ANKRD16: variants seen among roughly 807,000 people sequenced by gnomAD.
ANKRD16 encodes the protein ankyrin repeat domain 16.
Under a neutral mutation model 37.9 loss-of-function variants are expected in ANKRD16, and 35 were observed. The ratio of observed to expected loss-of-function variants is 0.92; its 90% CI spans 0.71 to 1.23. The LOEUF (loss-of-function observed/expected upper bound fraction) is 1.23. ANKRD16 is among the 50% of genes most tolerant of loss of function. The pLI is 0.00. For synonymous variants in ANKRD16, 206 were observed against 197.2 expected (o/e 1.04, Z -0.37); for missense variants, 480 against 469.9 (o/e 1.02, Z -0.20).
chr10:5,872,374 G>A (rs548139490), intron 7 of ANKRD16, among the ~76,000 whole-genome samples: 235 of 152,064 alleles, frequency 1.5e-3, no homozygotes, highest in Non-Finnish European at 2.9e-3. Flanking sequence ...AGCTACTCAG[G>A]AGGCTGAGGT....
Position 5,872,696 on chromosome 10 carries a change from A to C in ANKRD16, c.*33+5401T>G, listed in dbSNP as rs966462089. ...CTCAGCCTCTCGAGTAGCTAGGACT[A>C]CAGGCGCCCGCCACCACACCCGGCT... is the stretch of plus-strand genomic sequence containing the variant. On this transcript the variant is annotated intron_variant, in intron 7 of 7. Coordinates refer to ENST00000380094, the MANE Select transcript of ANKRD16 (RefSeq NM_019046.3). Among the ~76,000 whole-genome samples the C allele has an allele frequency of 1.3e-4, 19 of 149,896 alleles. 1 individual carries two copies. Among genetic ancestry groups the C allele is most frequent in the Admixed American group, 6.0e-4 (9 of 14,992 alleles).
chr10:5,867,554 T>C (rs1589013176), intron 7 of ANKRD16, among the ~76,000 whole-genome samples: 1 of 152,180 alleles, frequency 6.6e-6, no homozygotes, highest in African/African-American at 2.4e-5. Context: ...ATCCCAAACT[T>C]ATAAGGTTTT....
rs577386197 is a variant in ANKRD16 at position 5,889,221 on chromosome 10, G to A, written c.134C>T (p.Ala45Val). The change falls in exon 1 of 8, where the codon GCG (alanine) becomes GTG (valine). Residue 45 changes from alanine (A) to valine (V), a missense_variant. Transcript: ENST00000380094. ...CAGCACGTCCCGATGCCCGTGGCGC[G>A]CGGCGCAGTGCAGGAGGGTATCCCC... ...PAGDTLLHCA[A>V]RHGHRDVLAY... is the part of the protein sequence containing the mutation. 6.9e-6 allele frequency: 11 copies of A among 1,593,084 alleles called. No individual in the cohort carries two copies. The African/African-American group carries it at 1.3e-4, about 19-fold the overall frequency.
At chr10:5,886,298 C>T (rs1842421930) in intron 2 of ANKRD16, among the ~76,000 whole-genome samples, 1 of 152,150 alleles carries the variant, frequency 6.6e-6, no homozygotes, top group African/African-American at 2.4e-5. Context: ...AGAAATGATT[C>T]CTTGGTCCCT....
At position 5,869,905 on chromosome 10, in the gene ANKRD16, G is replaced by A. The variant is rs187260959; in HGVS notation, c.*34-7214C>T. On this transcript the variant is annotated intron_variant, in intron 7 of 7. Coordinates refer to ENST00000380094, the MANE Select transcript of ANKRD16 (RefSeq NM_019046.3). This position sits in a 1 kb window ranked among gnomAD's most constrained non-coding sequence, Gnocchi z 4.0. ...GATGCTGAGGTCTGCAGTAAGGATC[G>A]CATCACTTAGCATGGTATCCAGTAG... 2.6e-5 allele frequency among the ~76,000 whole-genome samples: 4 copies of A among 152,134 alleles called. No individual in the cohort carries two copies. In the South Asian group the frequency reaches 6.2e-4, roughly 24 times the overall value.
At chr10:5,867,855 T>TA (rs1842038295) in intron 7 of ANKRD16, among the ~76,000 whole-genome samples, 1 of 152,186 alleles carries the variant, frequency 6.6e-6, no homozygotes, top group African/African-American at 2.4e-5. Flanking sequence ...CGATCCCAAA[T>TA]AGACTCTTTG....
intron 6 of ANKRD16, among the ~76,000 whole-genome samples, chr10:5,879,101 T>A (rs1842237842): frequency 1.3e-5 from 2 of 152,184 alleles, no homozygotes; most frequent in South Asian, 4.1e-4. Flanking sequence ...AGAAGCTGTG[T>A]CCCTTCCTGG....
intron 7 of ANKRD16, among the ~76,000 whole-genome samples, chr10:5,875,751 C>T (rs1174718403): frequency 6.8e-6 from 1 of 146,056 alleles, no homozygotes; most frequent in Non-Finnish European, 1.5e-5. Flanking sequence ...CTCATTCTGT[C>T]ACCCAGGCTG....
Position 5,878,361 on chromosome 10 carries a change from G to T in ANKRD16, c.929-74C>A. ...AATACTGACCTCATGAGTTGATAGT[G>T]CCCAATAAAAATATCAATTCTTTCA... On this transcript the variant is annotated intron_variant, in intron 6 of 7. Transcript: ENST00000380094. This position sits in a 1 kb window ranked among gnomAD's most constrained non-coding sequence, Gnocchi z 5.1. The T allele has an allele frequency of 7.6e-7, 1 of 1,314,520 alleles. No homozygotes were observed. The highest frequency in any genetic ancestry group is 1.0e-6 in the Non-Finnish European group (1 of 963,762). The allele number at this position is 1,314,520 out of a possible 1,614,324, so 81.4% of individuals were successfully genotyped here.
At chr10:5,887,703 C>CCCCCCCCA (rs1842457124) in intron 2 of ANKRD16, 144 bp downstream of exon 2, 3 of 153,074 alleles carry the variant, frequency 2.0e-5, no homozygotes, top group Middle Eastern at 2.8e-3. Context: ...CCACCCCCTC[C>CCCCCCCCA]CCCCCAGATG....
At chr10:5,875,326 A>G (rs1226758010) in intron 7 of ANKRD16, among the ~76,000 whole-genome samples, 1 of 152,222 alleles carries the variant, frequency 6.6e-6, no homozygotes, top group Non-Finnish European at 1.5e-5. Flanking sequence ...TCGCCCATTC[A>G]TTAACTATAT....
At position 5,878,396 on chromosome 10, in the gene ANKRD16, G is replaced by A. The variant is rs143947253; in HGVS notation, c.929-109C>T. 2,733 of 1,011,442 alleles carry A rather than the reference G, an allele frequency of 2.7e-3. 7 individuals are homozygous for A. The highest frequency in any genetic ancestry group is 3.2e-3 in the Non-Finnish European group (2,294 of 713,286). 62.7% of individuals were successfully genotyped at this position (1,011,442 alleles called of 1,614,324 possible). A position where few individuals can be genotyped will look rare whatever the true frequency, so the allele number is the denominator to read the frequency against. On this transcript the variant is annotated intron_variant, in intron 6 of 7. Coordinates refer to ENST00000380094, the MANE Select transcript of ANKRD16 (RefSeq NM_019046.3). This position sits in a 1 kb window ranked among gnomAD's most constrained non-coding sequence, Gnocchi z 5.1. ...AATATCAATTCTTTCAATATCTTCC[G>A]TAATCCATCTTCACAACTTCACCTA...
rs1842201005 is a variant in ANKRD16 at position 5,877,364 on chromosome 10, C to T, written c.*33+733G>A. 2.0e-5 allele frequency among the ~76,000 whole-genome samples: 3 copies of T among 152,364 alleles called. No individual in the cohort carries two copies. In the South Asian group the frequency reaches 6.2e-4, roughly 32 times the overall value. ...CCGGCCTCAAGTGATCTGTCTGCCT[C>T]AGCCTCCCAAAGTGCTGGGATTACA... is the stretch of plus-strand genomic sequence containing the variant. On this transcript the variant is annotated intron_variant, in intron 7 of 7. Coordinates refer to ENST00000380094, the MANE Select transcript of ANKRD16 (RefSeq NM_019046.3).
At position 5,865,157 on chromosome 10, in the gene ANKRD16, G is replaced by A. The variant is rs1841995150; in HGVS notation, c.*34-2466C>T. On this transcript the variant is annotated intron_variant, in intron 7 of 7. Transcript: ENST00000380094. This position sits in a 1 kb window ranked among gnomAD's most constrained non-coding sequence, Gnocchi z 4.7. ...GACAAACCAACCTTGGTGGTTCAGA[G>A]AGCACAGAAAATGGAGCAGGCCAAT... is the stretch of plus-strand genomic sequence containing the variant. Among the ~76,000 whole-genome samples the A allele has an allele frequency of 6.6e-6, 1 of 152,170 alleles. No homozygotes were observed. The highest frequency in any genetic ancestry group is 6.5e-5 in the Admixed American group (1 of 15,272).
intron 5 of ANKRD16, 49 bp from the exon 6 acceptor site, chr10:5,880,425 CT>C: frequency 2.4e-6 from 3 of 1,257,412 alleles, no homozygotes; most frequent in Non-Finnish European, 2.2e-6. Flanking sequence ...AAAAGAAAAC[CT>C]TTTGCAAACC....
At chr10:5,879,762 C>T (rs1842256929) in intron 6 of ANKRD16, among the ~76,000 whole-genome samples, 2 of 146,604 alleles carry the variant, frequency 1.4e-5, no homozygotes, top group Non-Finnish European at 3.0e-5. Context: ...TTAACAACAG[C>T]AGTTGTAATG....
intron 7 of ANKRD16, among the ~76,000 whole-genome samples, chr10:5,872,663 A>T (rs4264071): frequency 0.094 from 13,442 of 143,356 alleles, 1,590 homozygotes; most frequent in East Asian, 0.56. Flanking sequence ...TTCACGCCAT[A>T]CTCCTGCCTC....
rs902720874 is a variant in ANKRD16 at position 5,863,441 on chromosome 10, A to G, written c.*34-750T>C. 2.6e-5 allele frequency among the ~76,000 whole-genome samples: 4 copies of G among 152,100 alleles called. No individual in the cohort carries two copies. The highest frequency in any genetic ancestry group is 4.4e-5 in the Non-Finnish European group (3 of 68,022). ...TAAATGCACCAATCAGCACTCTGTA[A>G]AAATGTACCAATCAGCGCTCTGTGT... On this transcript the variant is annotated intron_variant, in intron 7 of 7. Coordinates refer to ENST00000380094, the MANE Select transcript of ANKRD16 (RefSeq NM_019046.3). This position sits in a 1 kb window ranked among gnomAD's most constrained non-coding sequence, Gnocchi z 4.7.
rs1841995649 is a variant in ANKRD16, at chr10:5,865,195, CTTG to C, written c.*34-2507_*34-2505del. Among the ~76,000 whole-genome samples the C allele has an allele frequency of 6.6e-6, 1 of 152,196 alleles. No individual in the cohort carries two copies. The highest frequency in any genetic ancestry group is 2.1e-4 in the South Asian group (1 of 4,832). Reference sequence around the variant, plus strand: ...GGAGCAGGCCAATCACCTGGTAGGGCTTGTTACCAGTGTGGTTTGCAAGGACAC... The same window carrying C: ...GGAGCAGGCCAATCACCTGGTAGGGCTTACCAGTGTGGTTTGCAAGGACAC... On this transcript the variant is annotated intron_variant, in intron 7 of 7. Transcript: ENST00000380094. This position sits in a 1 kb window ranked among gnomAD's most constrained non-coding sequence, Gnocchi z 4.7.
Sources: gnomAD v4.1 joint callset for allele counts (sites outside exome capture counted in the v4.1 genomes callset) on GRCh38, gnomAD v4.1.1 for gene constraint, Gnocchi (gnomAD v3.1) non-coding constraint, MANE v1.5 for transcripts, NCBI Gene and HGNC (gene_info 2026-07-23, HGNC 2026-07-21) for gene names.